Variants in STARD9 observed in about 807,000 individuals in gnomAD.
STARD9 encodes StAR related lipid transfer domain containing 9.
A neutral mutation model predicts 399.8 loss-of-function variants in STARD9; 346 were observed. The ratio of observed to expected loss-of-function variants is 0.87; its 90% CI spans 0.79 to 0.95. STARD9 has a LOEUF of 0.95. STARD9 is among the 40% of genes least tolerant of loss of function. The probability of loss-of-function intolerance (pLI) is 0.00; values close to 1 mark genes in which losing one functional copy is unlikely to be tolerated. For synonymous variants in STARD9, 2,203 were observed against 2,143.5 expected (o/e 1.03, Z -0.77); for missense variants, 5,832 against 5,667.5 (o/e 1.03, Z -0.93).
intron 1 of STARD9, among the ~76,000 whole-genome samples, chr15:42,582,589 CAG>C (rs1313079837): frequency 4.6e-5 from 7 of 152,172 alleles, no homozygotes; most frequent in African/African-American, 1.4e-4. Context: ...AGGGTCTCAG[CAG>C]AGAGGATTCC....
At position 42,687,934 on chromosome 15, in the gene STARD9, A is replaced by G. The variant is rs1246742061; in HGVS notation, c.6356A>G (p.Gln2119Arg). 2 of 1,537,258 alleles carry G rather than the reference A, an allele frequency of 1.3e-6. No individual in the cohort carries two copies. The highest frequency in any genetic ancestry group is 1.7e-6 in the Non-Finnish European group (2 of 1,146,966). ...AAGGATCAGCCATCTTCTCCAAGAC[A>G]GACAGATGATACTGTCTTTAGGGAT... ...PSKDQPSSPR[Q>R]TDDTVFRDSE... Residue 2119 changes from glutamine to arginine, a missense_variant, in exon 23 of 33, where the codon CAG (glutamine) becomes CGG (arginine). By Grantham distance (43) the Gln-to-Arg change is conservative (BLOSUM62 1). Coordinates refer to ENST00000290607, the MANE Select transcript of STARD9 (RefSeq NM_020759.3).
intron 3 of STARD9, among the ~76,000 whole-genome samples, chr15:42,603,781 A>T (rs1320701095): frequency 1.3e-5 from 2 of 152,152 alleles, no homozygotes; most frequent in Admixed American, 6.5e-5. Flanking sequence ...ACAGGACCAG[A>T]TGAGCCAGTT....
At position 42,687,689 on chromosome 15, in the gene STARD9, G is replaced by C. The variant is rs1346346598; in HGVS notation, c.6111G>C (p.Gln2037His). The change falls in exon 23 of 33, where the codon CAG (glutamine) becomes CAC (histidine). Residue 2037 changes from glutamine (Q) to histidine (H), a missense_variant. By Grantham distance (24) the Gln-to-His change is conservative (BLOSUM62 0). Around this residue, in one of 2 missense-constraint regions of STARD9, gnomAD observed 5,828 missense variants for 5,651.1 expected, o/e 1.03. Coordinates refer to ENST00000290607, the MANE Select transcript of STARD9 (RefSeq NM_020759.3). Reference protein sequence around the residue: ...NPNREPSGKKQNKRVNNTDEM... With the variant: ...NPNREPSGKKHNKRVNNTDEM... ...ACAGAGAACCTTCTGGAAAGAAACAGAATAAAAGAGTTAATAATACTGATG... is the reference window on the plus strand; with the variant it reads ...ACAGAGAACCTTCTGGAAAGAAACACAATAAAAGAGTTAATAATACTGATG... 2.6e-6 allele frequency: 4 copies of C among 1,537,102 alleles called. No homozygotes were observed. The Admixed American group carries it at 7.8e-5, about 30-fold the overall frequency.
chr15:42,662,498 A>C (rs1379377396), intron 10 of STARD9, among the ~76,000 whole-genome samples: 2 of 152,240 alleles, frequency 1.3e-5, no homozygotes, highest in African/African-American at 4.8e-5. Context: ...TATACCAAAA[A>C]GCCGTGCTAA....
chr15:42,717,919 AC>A, intron 29 of STARD9, 57 bp from the exon 30 acceptor site: 1 of 1,516,958 alleles, frequency 6.6e-7, no homozygotes, highest in East Asian at 2.5e-5. Flanking sequence ...CTCCTTTGTG[AC>A]CCTTAGAGCC....
chr15:42,699,100 C>T (rs949641743), intron 26 of STARD9, among the ~76,000 whole-genome samples: 3 of 152,162 alleles, frequency 2.0e-5, no homozygotes, highest in Admixed American at 1.3e-4. Flanking sequence ...TTTCAATCCA[C>T]ATATGCATTG....
intron 13 of STARD9, among the ~76,000 whole-genome samples, chr15:42,664,605 G>T (rs911274694): frequency 5.3e-5 from 8 of 152,184 alleles, no homozygotes; most frequent in Admixed American, 2.0e-4. Flanking sequence ...GGACTCAAAT[G>T]ATCCTCCTAC....
At chr15:42,598,149 A>G (rs1329508035) in intron 3 of STARD9, among the ~76,000 whole-genome samples, 1 of 151,706 alleles carries the variant, frequency 6.6e-6, no homozygotes, top group Non-Finnish European at 1.5e-5. Flanking sequence ...CTCCTGCCTC[A>G]GCCTCCTGGG....
chr15:42,682,535 C>T lies in STARD9; in HGVS notation c.2497C>T (p.Pro833Ser). ...SKLTSCSSLS[P>S]QRLCSKHMPQ... ...ATTGACGAGTTGCAGTTCTTTGAGC[C>T]CCCAAAGACTCTGCAGCAAGCACAT... The change falls in exon 22 of 33, where the codon CCC (proline) becomes TCC (serine). Residue 833 changes from proline to serine, a missense_variant. Coordinates refer to ENST00000290607, the MANE Select transcript of STARD9 (RefSeq NM_020759.3). The T allele has an allele frequency of 6.5e-7, 1 of 1,537,090 alleles. No individual in the cohort carries two copies. Among genetic ancestry groups the T allele is most frequent in the Non-Finnish European group, 8.7e-7 (1 of 1,146,846 alleles).
intron 3 of STARD9, among the ~76,000 whole-genome samples, chr15:42,600,638 G>C (rs1247333945): frequency 6.6e-6 from 1 of 150,698 alleles, no homozygotes; most frequent in East Asian, 2.0e-4. Context: ...CGGTTCTCCT[G>C]CCTCAGCCTC....
chr15:42,653,281 A>G (rs2059800517), intron 9 of STARD9, among the ~76,000 whole-genome samples: 1 of 152,194 alleles, frequency 6.6e-6, no homozygotes, highest in Non-Finnish European at 1.5e-5. Flanking sequence ...CATATCCCCA[A>G]AAAGCAACTA....
chr15:42,679,150 G>A (rs1275847920), intron 20 of STARD9, among the ~76,000 whole-genome samples: 2 of 152,174 alleles, frequency 1.3e-5, no homozygotes, highest in Non-Finnish European at 2.9e-5. Flanking sequence ...TGCATCTGGT[G>A]GTCTGTGGGT....
chr15:42,674,875 C>A lies in STARD9; in HGVS notation c.1598C>A (p.Ala533Asp), dbSNP rs1392813282. 3 of 1,536,974 alleles carry A rather than the reference C, an allele frequency of 2.0e-6. No homozygotes were observed. The highest frequency in any genetic ancestry group is 3.9e-5 in the Admixed American group (2 of 50,978). Residue 533 changes from alanine to aspartate, a missense_variant, in exon 18 of 33, where the codon GCC becomes GAC. Ala to Asp is a moderately radical substitution (Grantham distance 126). Around this residue, in one of 2 missense-constraint regions of STARD9, gnomAD observed 5,828 missense variants for 5,651.1 expected, o/e 1.03. Transcript: ENST00000290607. Reference sequence around the variant, plus strand: ...AGAGACCACTGCACTATCACCAGTGCCTGTGGTGTAGTTGTTCTACGACCT... The same window carrying A: ...AGAGACCACTGCACTATCACCAGTGACTGTGGTGTAGTTGTTCTACGACCT... ...IERDHCTITS[A>D]CGVVVLRPAR... is the part of the protein sequence containing the mutation.
chr15:42,636,634 G>A (rs1006556274), intron 4 of STARD9, among the ~76,000 whole-genome samples: 14 of 152,124 alleles, frequency 9.2e-5, no homozygotes, highest in African/African-American at 3.4e-4. Context: ...GTCCTGTTAG[G>A]TGGGTAACAA....
chr15:42,646,237 A>C (rs2141969927), intron 7 of STARD9, among the ~76,000 whole-genome samples: 1 of 152,318 alleles, frequency 6.6e-6, no homozygotes, highest in East Asian at 1.9e-4. Context: ...AGCCCCTAAC[A>C]GGAGAATCGG....
chr15:42,638,910 T>TATC, intron 7 of STARD9, 98 bp downstream of exon 7: 1 of 636,894 alleles, frequency 1.6e-6, no homozygotes, highest in Admixed American at 2.9e-5. Flanking sequence ...AATGAACACT[T>TATC]ATCGTGTGCC....
At position 42,718,431 on chromosome 15, in the gene STARD9, C is replaced by G; in HGVS notation, c.13763-4C>G. 6.5e-7 allele frequency: 1 copy of G among 1,536,510 alleles called. No individual in the cohort carries two copies. Among genetic ancestry groups the G allele is most frequent in the Non-Finnish European group, 8.7e-7 (1 of 1,146,260 alleles). ...CCTGACCTTCCTTATCCCTGTCCCT[C>G]CAGTGTACTTGGTGTGCAACACCAC... On this transcript the variant is annotated splice_region_variant and splice_polypyrimidine_tract_variant and intron_variant, in intron 30 of 32. Transcript: ENST00000290607.
intron 26 of STARD9, among the ~76,000 whole-genome samples, chr15:42,709,864 C>T (rs1393171212): frequency 3.3e-5 from 5 of 151,864 alleles, no homozygotes; most frequent in African/African-American, 1.2e-4. Flanking sequence ...GAACTTTTCT[C>T]TAAGAAAGTG....
intron 3 of STARD9, among the ~76,000 whole-genome samples, chr15:42,616,042 T>A (rs1258504953): frequency 6.7e-6 from 1 of 150,114 alleles, no homozygotes; most frequent in Non-Finnish European, 1.5e-5. Context: ...AAACATTGTA[T>A]TTTTTTTTTC....
Sources: allele counts gnomAD v4.1 joint callset (sites outside exome capture counted in the v4.1 genomes callset), GRCh38; gene constraint gnomAD v4.1.1; regional missense constraint gnomAD v4.1.1; transcripts MANE v1.5; gene names NCBI Gene and HGNC (gene_info 2026-07-23, HGNC 2026-07-21).